The following ADGRG4 variants were observed in gnomAD, a reference collection of about 807,000 sequenced individuals.
The protein encoded by ADGRG4 is adhesion G protein-coupled receptor G4, also known as G protein-coupled receptor 112.
ADGRG4 carries 122 observed loss-of-function variants against 126.2 expected under a neutral mutation model. That is an observed-to-expected ratio of 0.97 (90% CI 0.83 to 1.12). ADGRG4 has a LOEUF of 1.12. ADGRG4 is among the 50% of genes most tolerant of loss of function. ADGRG4 has a pLI of 0.00. For missense variants in ADGRG4, 2,481 were observed against 2,251.8 expected (o/e 1.10, Z -2.06); for synonymous variants, 943 against 838.7 (o/e 1.12, Z -2.15).
chrX:136,321,854 C>T (rs766867615), intron 4 of ADGRG4, among the ~76,000 whole-genome samples: 4 of 112,257 alleles, frequency 3.6e-5, no homozygotes, highest in Non-Finnish European at 5.6e-5. Flanking sequence ...CTCACTTAAT[C>T]TTCAAATAAT....
At chrX:136,313,131 T>C (rs2074783684) in intron 4 of ADGRG4, among the ~76,000 whole-genome samples, 1 of 112,793 alleles carries the variant, frequency 8.9e-6, no homozygotes, top group Non-Finnish European at 1.9e-5. Flanking sequence ...TGTACAAGTT[T>C]TGTGTGGGCA....
rs912002 is a variant in ADGRG4 at position 136,348,324 on chromosome X, T to C, written c.4618T>C (p.Ser1540Pro). 0.47 allele frequency: 568,601 copies of C among 1,206,618 alleles called. 90,761 individuals carry two copies. Among genetic ancestry groups the C allele is most frequent in the African/African-American group, 0.55 (30,877 of 56,497 alleles). ...DTPPIVITKS[S>P]KTMHPGCLKS... ...TCCCCCAATAGTGATAACTAAATCT[T>C]CTAAAACAATGCATCCAGGTTGTTT... is the stretch of plus-strand genomic sequence containing the variant. Residue 1540 changes from serine to proline, a missense_variant, in exon 6 of 26, where the codon TCT (serine) becomes CCT (proline). Physicochemically the swap from Ser to Pro is moderately conservative, Grantham distance 74. Transcript: ENST00000394143.
chrX:136,349,118 G>T lies in ADGRG4; in HGVS notation c.5412G>T (p.Lys1804Asn). Residue 1804 changes from lysine (K) to asparagine (N), a missense_variant, in exon 6 of 26, where the codon AAG becomes AAT. Physicochemically the swap from Lys to Asn is moderately conservative, Grantham distance 94. Transcript: ENST00000394143. ...NTRKMTSLLE[K>N]TSLTNYATSL... Reference sequence around the variant, plus strand: ...GAAAGATGACTTCCTTGTTAGAAAAGACTTCCTTAACAAACTATGCCACAT... The same window carrying T: ...GAAAGATGACTTCCTTGTTAGAAAATACTTCCTTAACAAACTATGCCACAT... 2.5e-6 allele frequency: 3 copies of T among 1,204,940 alleles called. No individual in the cohort carries two copies. The highest frequency in any genetic ancestry group is 3.4e-6 in the Non-Finnish European group (3 of 890,034).
At chrX:136,384,438 G>A (rs1387076559) in intron 15 of ADGRG4, among the ~76,000 whole-genome samples, 1 of 111,506 alleles carries the variant, frequency 9.0e-6, no homozygotes, top group African/African-American at 3.3e-5. Flanking sequence ...ACTTTAAAAA[G>A]TCCTATGTTA....
intron 16 of ADGRG4, among the ~76,000 whole-genome samples, chrX:136,389,735 C>T (rs2075309745): frequency 8.9e-6 from 1 of 111,827 alleles, no homozygotes; most frequent in Non-Finnish European, 1.9e-5. Context: ...TATTTAATTC[C>T]TACTGTGTGT....
chrX:136,356,880 G>A (rs2075096989), intron 9 of ADGRG4, among the ~76,000 whole-genome samples: 1 of 111,325 alleles, frequency 9.0e-6, no homozygotes, highest in African/African-American at 3.3e-5. Context: ...GTGCATTCCT[G>A]TAGTCCCAGC....
chrX:136,398,116 T>C, intron 20 of ADGRG4, 114 bp downstream of exon 20: 1 of 663,502 alleles, frequency 1.5e-6, no homozygotes, highest in Non-Finnish European at 2.2e-6. Context: ...GTCAGATCCA[T>C]TAGCTTATGA....
At position 136,351,456 on chromosome X, in the gene ADGRG4, A is replaced by G. The variant is rs2075062109; in HGVS notation, c.6737A>G (p.Tyr2246Cys). The G allele has an allele frequency of 9.0e-7, 1 of 1,114,920 alleles. No individual in the cohort carries two copies. The highest frequency in any genetic ancestry group is 3.1e-5 in the East Asian group (1 of 32,192). The allele number at this position is 1,114,920 out of a possible 1,213,427, so 91.9% of individuals were successfully genotyped here. Residue 2246 changes from tyrosine to cysteine, a missense_variant, in exon 7 of 26, where the codon TAC becomes TGC. By Grantham distance (194) the Tyr-to-Cys change is radical. Transcript: ENST00000394143. ...TTATTTTTAATTACAGTTTCCTTCT[A>G]CAATGTTGAAATGAGCTTCTCTGTC... ...PTATKSTVSF[Y>C]NVEMSFSVFV...
At chrX:136,312,052 G>A (rs1389656330) in intron 4 of ADGRG4, among the ~76,000 whole-genome samples, 1 of 111,020 alleles carries the variant, frequency 9.0e-6, no homozygotes, top group Non-Finnish European at 1.9e-5. Context: ...GATAAACTTT[G>A]AGCAGAAACT....
intron 15 of ADGRG4, among the ~76,000 whole-genome samples, chrX:136,383,406 C>T (rs1433319705): frequency 3.6e-5 from 4 of 111,647 alleles, no homozygotes; most frequent in African/African-American, 6.5e-5. Context: ...TTAAATACCC[C>T]TCTTTATCTC....
At chrX:136,392,513 G>A (rs1356002552) in intron 17 of ADGRG4, among the ~76,000 whole-genome samples, 159 bp downstream of exon 17, 1 of 111,996 alleles carries the variant, frequency 8.9e-6, no homozygotes, top group Non-Finnish European at 1.9e-5. Flanking sequence ...GAACCTTCCA[G>A]AAATAATGCC....
intron 15 of ADGRG4, among the ~76,000 whole-genome samples, chrX:136,377,167 CTTTTTT>C (rs1184343263): frequency 2.3e-4 from 11 of 48,637 alleles, no homozygotes; most frequent in African/African-American, 5.1e-4. Context: ...GTTTTCTTTC[CTTTTTT>C]TTTTTTTTTT....
intron 1 of ADGRG4, among the ~76,000 whole-genome samples, chrX:136,302,632 GT>G (rs1259764894): frequency 8.9e-6 from 1 of 111,831 alleles, no homozygotes; most frequent in Non-Finnish European, 1.9e-5. Context: ...AGAGTTATCT[GT>G]TTTGTTTGCT....
intron 4 of ADGRG4, among the ~76,000 whole-genome samples, chrX:136,321,905 C>G (rs995695044): frequency 8.9e-6 from 1 of 112,165 alleles, no homozygotes; most frequent in Non-Finnish European, 1.9e-5. Context: ...CTGGCATAGA[C>G]TATAATGTGA....
At chrX:136,359,592 G>A (rs369621766) in intron 11 of ADGRG4, 137 bp downstream of exon 11, 1 of 485,292 alleles carries the variant, frequency 2.1e-6, no homozygotes, top group East Asian at 4.0e-5. Flanking sequence ...CATATTCTTG[G>A]TACCCACTTG....
At chrX:136,317,499 C>CAAAAAAAAA (rs35736381) in intron 4 of ADGRG4, among the ~76,000 whole-genome samples, 5 of 40,643 alleles carry the variant, frequency 1.2e-4, no homozygotes, top group African/African-American at 4.1e-4. Context: ...GACTCCATCT[C>CAAAAAAAAA]AAAAAAAAAA....
intron 5 of ADGRG4, among the ~76,000 whole-genome samples, chrX:136,331,594 A>G (rs1020874250): frequency 9.0e-6 from 1 of 111,188 alleles, no homozygotes; most frequent in Non-Finnish European, 1.9e-5. Context: ...TGTTGCCACT[A>G]TTTTTCATTG....
chrX:136,381,573 T>C (rs2075264148), intron 15 of ADGRG4, among the ~76,000 whole-genome samples: 2 of 111,597 alleles, frequency 1.8e-5, no homozygotes, highest in South Asian at 3.7e-4. Flanking sequence ...TTCATTTTGG[T>C]CACAGAATAT....
Position 136,357,704 on chromosome X carries a change from T to A in ADGRG4, c.6928T>A (p.Leu2310Met). ...EEEMVMDRAILEQREGQEMAT... is the reference protein window; with the variant it reads ...EEEMVMDRAIMEQREGQEMAT... ...ACTATGTACTTTTCTTTTGCATTAG[T>A]TGGAACAGAGAGAAGGACAAGAAAT... is the stretch of plus-strand genomic sequence containing the variant. The change falls in exon 10 of 26, where the codon TTG becomes ATG. Residue 2310 changes from leucine to methionine, a missense_variant and splice_region_variant. By Grantham distance (15) the Leu-to-Met change is conservative. Transcript: ENST00000394143. The A allele has an allele frequency of 8.4e-7, 1 of 1,183,670 alleles. No homozygotes were observed. Among genetic ancestry groups the A allele is most frequent in the Non-Finnish European group, 1.1e-6 (1 of 871,607 alleles).
Sources: allele counts gnomAD v4.1 joint callset (sites outside exome capture counted in the v4.1 genomes callset), GRCh38; gene constraint gnomAD v4.1.1; transcripts MANE v1.5; gene names NCBI Gene and HGNC (gene_info 2026-07-23, HGNC 2026-07-21).